Variants in ZDHHC15 observed in about 807,000 individuals in gnomAD.
The protein encoded by ZDHHC15 is zDHHC palmitoyltransferase 15.
ZDHHC15 carries 19 observed loss-of-function variants against 31.7 expected under a neutral mutation model. The observed-to-expected ratio is 0.60, with a 90% confidence interval of 0.42 to 0.88. ZDHHC15 has a LOEUF of 0.88. ZDHHC15 is among the 40% of genes least tolerant of loss of function. The pLI is 0.00. For synonymous variants in ZDHHC15, 103 were observed against 90.0 expected, an observed-to-expected ratio of 1.14 and a Z score of -0.82; for missense variants, 209 against 251.2, an observed-to-expected ratio of 0.83 and a Z score of 1.14.
chrX:75,447,740 C>A (rs764554575), intron 4 of ZDHHC15, among the ~76,000 whole-genome samples: 1 of 111,086 alleles, frequency 9.0e-6, no homozygotes, highest in South Asian at 3.9e-4. Context: ...CCTGTTCCTG[C>A]AATCTTGTGC....
rs201758247 is a variant in ZDHHC15 at position 75,370,523 on chromosome X, C to CTTTTTT, written c.*2449_*2454dup. 26 of 81,282 alleles carry CTTTTTT rather than the reference C, an allele frequency of 3.2e-4. 1 individual carries two copies. Among genetic ancestry groups the CTTTTTT allele is most frequent in the African/African-American group, 1.3e-3 (25 of 19,108 alleles). 6.7% of individuals were successfully genotyped at this position (81,282 alleles called of 1,213,427 possible). A position where few individuals can be genotyped will look rare whatever the true frequency, so the allele number is the denominator to read the frequency against. ...CCTGGTAAAACCCTGATTTATTTGG[C>CTTTTTT]TTTTTTTTTTTTTTTTTTTTTTTTT... On this transcript the variant is annotated 3_prime_UTR_variant, in exon 12 of 12. Transcript: ENST00000373367.
chrX:75,450,148 C>T (rs920669528), intron 4 of ZDHHC15, among the ~76,000 whole-genome samples: 1 of 111,922 alleles, frequency 8.9e-6, no homozygotes, highest in Non-Finnish European at 1.9e-5. Flanking sequence ...ATCTTACAAA[C>T]ATTATGTTGA....
At chrX:75,430,503 T>C (rs759101554) in intron 5 of ZDHHC15, among the ~76,000 whole-genome samples, 12 of 111,716 alleles carry the variant, frequency 1.1e-4, no homozygotes. Flanking sequence ...TATGCTTTCA[T>C]ACTGATATAA....
intron 1 of ZDHHC15, among the ~76,000 whole-genome samples, chrX:75,518,749 G>T (rs1417390970): frequency 1.3e-5 from 1 of 77,773 alleles, no homozygotes; most frequent in Non-Finnish European, 2.3e-5. Context: ...GCCATTAATG[G>T]ATGAATGGAT....
chrX:75,405,479 C>T (rs1242489093), intron 10 of ZDHHC15, among the ~76,000 whole-genome samples: 1 of 111,525 alleles, frequency 9.0e-6, no homozygotes, highest in Non-Finnish European at 1.9e-5. Flanking sequence ...GAAAATGATA[C>T]TCCATGCAAC....
chrX:75,421,740 G>T (rs1300781202), intron 9 of ZDHHC15, 124 bp downstream of exon 9: 1 of 722,813 alleles, frequency 1.4e-6, no homozygotes, highest in Non-Finnish European at 1.9e-6. Context: ...ACCTAGAAAT[G>T]AAGAACTTGG....
At chrX:75,431,221 C>T (rs1292986963) in intron 5 of ZDHHC15, among the ~76,000 whole-genome samples, 1 of 112,285 alleles carries the variant, frequency 8.9e-6, no homozygotes, top group Non-Finnish European at 1.9e-5. Flanking sequence ...AAGTCTAAAA[C>T]TGTCCACAAA....
chrX:75,476,066 G>T (rs769703427), intron 3 of ZDHHC15, among the ~76,000 whole-genome samples: 3 of 111,188 alleles, frequency 2.7e-5, no homozygotes, highest in African/African-American at 9.8e-5. Context: ...TGGTGATTTT[G>T]TATCCTGCAA....
chrX:75,478,988 G>T lies in ZDHHC15; in HGVS notation c.164-3C>A. 8.9e-7 allele frequency: 1 copy of T among 1,129,461 alleles called. No homozygotes were observed. The highest frequency in any genetic ancestry group is 1.2e-6 in the Non-Finnish European group (1 of 840,121). 93.1% of individuals were successfully genotyped at this position (1,129,461 alleles called of 1,213,427 possible). A position where few individuals can be genotyped will look rare whatever the true frequency, so the allele number is the denominator to read the frequency against. On this transcript the variant is annotated splice_polypyrimidine_tract_variant and splice_region_variant and intron_variant, in intron 2 of 11. Transcript: ENST00000373367. ...ATGGTAGAGTATGAGGTAAATAACT[G>T]AAATAAAAAAAAAATCAGTGTTTAT...
chrX:75,416,165 G>A (rs1204824869), intron 10 of ZDHHC15, among the ~76,000 whole-genome samples: 1 of 111,376 alleles, frequency 9.0e-6, no homozygotes, highest in Non-Finnish European at 1.9e-5. Flanking sequence ...TATTCCTTGG[G>A]CCTAGTAACA....
chrX:75,469,055 T>C, intron 3 of ZDHHC15, among the ~76,000 whole-genome samples: 1 of 31,610 alleles, frequency 3.2e-5, no homozygotes, highest in Non-Finnish European at 2.8e-4. Flanking sequence ...ACAAAAGGCT[T>C]TTTTTTTTAA....
intron 1 of ZDHHC15, among the ~76,000 whole-genome samples, chrX:75,508,405 T>C (rs1602754311): frequency 9.5e-6 from 1 of 104,747 alleles, no homozygotes; most frequent in African/African-American, 3.5e-5. Context: ...GTTTGGTTTT[T>C]TTTGTCCTTG....
At chrX:75,480,316 C>T (rs918146204) in intron 2 of ZDHHC15, among the ~76,000 whole-genome samples, 5 of 111,245 alleles carry the variant, frequency 4.5e-5, no homozygotes, top group African/African-American at 1.6e-4. Context: ...TTCTCACCTC[C>T]CCATTCTAAG....
chrX:75,520,131 T>C (rs890547978), intron 1 of ZDHHC15, among the ~76,000 whole-genome samples: 1 of 112,187 alleles, frequency 8.9e-6, no homozygotes, highest in Non-Finnish European at 1.9e-5. Context: ...GTAATGATAG[T>C]ATATACATTG....
rs966635412 is a variant in ZDHHC15 at position 75,368,452 on chromosome X, G to T, written c.*4526C>A. On this transcript the variant is annotated 3_prime_UTR_variant, in exon 12 of 12. Transcript: ENST00000373367. ...TTATATGCATATACTTTTAATGAAG[G>T]ATATAGGAAGATAAAGCTGGCCAGC... 6.3e-5 allele frequency: 7 copies of T among 111,363 alleles called. No individual in the cohort carries two copies. Among genetic ancestry groups the T allele is most frequent in the African/African-American group, 2.0e-4 (6 of 30,617 alleles). 9.2% of individuals were successfully genotyped at this position (111,363 alleles called of 1,213,427 possible). A position where few individuals can be genotyped will look rare whatever the true frequency, so the allele number is the denominator to read the frequency against.
intron 10 of ZDHHC15, among the ~76,000 whole-genome samples, chrX:75,379,419 A>T (rs922210909): frequency 5.3e-5 from 6 of 112,264 alleles, no homozygotes; most frequent in Non-Finnish European, 1.1e-4. Flanking sequence ...TATCAGCATT[A>T]TCTGATCTAT....
At chrX:75,381,580 C>A (rs2083115265) in intron 10 of ZDHHC15, among the ~76,000 whole-genome samples, 1 of 111,795 alleles carries the variant, frequency 8.9e-6, no homozygotes, top group African/African-American at 3.2e-5. Context: ...CTAAAATTAA[C>A]CTTTCCTTAT....
intron 2 of ZDHHC15, among the ~76,000 whole-genome samples, chrX:75,479,941 C>G (rs147049580): frequency 1.8e-5 from 2 of 111,511 alleles, no homozygotes; most frequent in Non-Finnish European, 3.8e-5. Flanking sequence ...CTCTCTACTA[C>G]CTTTCTTTTC....
intron 3 of ZDHHC15, among the ~76,000 whole-genome samples, chrX:75,459,529 G>A (rs529756234): frequency 7.2e-5 from 8 of 111,518 alleles, no homozygotes; most frequent in South Asian, 3.8e-4. Flanking sequence ...ACAGTGAAGC[G>A]TACCTACTTT....
Sources: gnomAD v4.1 joint callset for allele counts (sites outside exome capture counted in the v4.1 genomes callset) on GRCh38, gnomAD v4.1.1 for gene constraint, MANE v1.5 for transcripts, NCBI Gene and HGNC (gene_info 2026-07-23, HGNC 2026-07-21) for gene names.